The following RUNX1 variants were observed in gnomAD, a reference collection of about 807,000 sequenced individuals.
RUNX1 encodes runt-related transcription factor 1.
In RUNX1, 19 loss-of-function variants were observed where a neutral mutation model predicts 42.8. That is an observed-to-expected ratio of 0.44 (90% CI 0.31 to 0.65). The LOEUF is 0.65. Ranked by LOEUF, RUNX1 falls within the 30% of genes least tolerant of loss-of-function variation. The pLI is 0.07. For missense variants in RUNX1, 528 were observed against 672.0 expected (o/e 0.79, Z 2.37); for synonymous variants, 271 against 289.4 (o/e 0.94, Z 0.64).
At chr21:34,936,730 T>C (rs1601589445) in intron 2 of RUNX1, among the ~76,000 whole-genome samples, 1 of 152,324 alleles carries the variant, frequency 6.6e-6, no homozygotes, top group Non-Finnish European at 1.5e-5. Flanking sequence ...CTGCTTGCTG[T>C]AATTGCCGGC....
Position 34,791,326 on chromosome 21 carries a change from TA to T in RUNX1, c.*808del, listed in dbSNP as rs1208040532. The T allele has an allele frequency of 8.6e-6, 2 of 231,402 alleles. No individual in the cohort carries two copies. Among genetic ancestry groups the T allele is most frequent in the Middle Eastern group, 1.3e-3 (1 of 792 alleles). 14.3% of individuals were successfully genotyped at this position (231,402 alleles called of 1,614,324 possible). ...CTTAATATAAGTACATTTAAATAAT[TA>T]AAAAATTATCAACACATAAATGTCT... On this transcript the variant is annotated 3_prime_UTR_variant, in exon 9 of 9. Coordinates refer to ENST00000675419, the MANE Select transcript of RUNX1 (RefSeq NM_001754.5).
chr21:34,944,878 T>C (rs1282949136), intron 2 of RUNX1, among the ~76,000 whole-genome samples: 2 of 152,230 alleles, frequency 1.3e-5, no homozygotes, highest in Non-Finnish European at 2.9e-5. Flanking sequence ...TCTGAATGAA[T>C]TGCTTGTTTA....
intron 3 of RUNX1, chr21:34,888,069 G>C (rs936240545): frequency 9.4e-7 from 1 of 1,066,340 alleles, no homozygotes; most frequent in Non-Finnish European, 1.1e-6. Flanking sequence ...TGGGAGTTGA[G>C]CAGCCGCAGA....
intron 2 of RUNX1, among the ~76,000 whole-genome samples, chr21:34,974,226 G>A (rs1488216608): frequency 3.3e-5 from 5 of 152,044 alleles, no homozygotes; most frequent in Non-Finnish European, 5.9e-5. Flanking sequence ...CAACACCCAG[G>A]CCTTCTGAGA....
intron 2 of RUNX1, among the ~76,000 whole-genome samples, chr21:34,900,166 C>T (rs748414740): frequency 6.6e-6 from 1 of 152,156 alleles, no homozygotes; most frequent in Non-Finnish European, 1.5e-5. Flanking sequence ...GTCATTTGAA[C>T]ATGTAATCAA....
At chr21:35,045,104 T>C (rs994907164) in intron 2 of RUNX1, among the ~76,000 whole-genome samples, 2 of 152,210 alleles carry the variant, frequency 1.3e-5, no homozygotes, top group Admixed American at 1.3e-4. Flanking sequence ...CACTTAAACA[T>C]TTCAAAATTA....
chr21:35,000,893 T>C (rs1295021624), intron 2 of RUNX1, among the ~76,000 whole-genome samples: 1 of 152,214 alleles, frequency 6.6e-6, no homozygotes, highest in Non-Finnish European at 1.5e-5. Flanking sequence ...CTTCTTCTGG[T>C]GCCAGGCTGA....
intron 2 of RUNX1, among the ~76,000 whole-genome samples, chr21:34,926,926 A>G (rs1204475962): frequency 2.6e-5 from 4 of 152,238 alleles, no homozygotes; most frequent in African/African-American, 9.6e-5. Flanking sequence ...GTGTCTACAA[A>G]GGGTGGCTCA....
chr21:34,915,452 A>G (rs2058305403), intron 2 of RUNX1, among the ~76,000 whole-genome samples: 1 of 152,222 alleles, frequency 6.6e-6, no homozygotes, highest in African/African-American at 2.4e-5. Context: ...TTACATGACC[A>G]TTCATTCTTC....
rs776647946 is a variant in RUNX1, at chr21:34,789,300, A to C, written c.*2835T>G. 8.6e-6 allele frequency: 2 copies of C among 233,378 alleles called. No homozygotes were observed. The highest frequency in any genetic ancestry group is 1.7e-5 in the Non-Finnish European group (2 of 118,124). 14.5% of individuals were successfully genotyped at this position (233,378 alleles called of 1,614,324 possible). A position where few individuals can be genotyped will look rare whatever the true frequency, so the allele number is the denominator to read the frequency against. On this transcript the variant is annotated 3_prime_UTR_variant, in exon 9 of 9. Coordinates refer to ENST00000675419, the MANE Select transcript of RUNX1 (RefSeq NM_001754.5). Reference sequence around the variant, plus strand: ...GAGGAGGGAGAAAGTGGGGTTTGGAAGATAGAGGAAGAGAGAAAAAAAGGG... The same window carrying C: ...GAGGAGGGAGAAAGTGGGGTTTGGACGATAGAGGAAGAGAGAAAAAAAGGG...
At chr21:34,994,546 T>C (rs2146846993) in intron 2 of RUNX1, among the ~76,000 whole-genome samples, 1 of 152,242 alleles carries the variant, frequency 6.6e-6, no homozygotes, top group Non-Finnish European at 1.5e-5. Flanking sequence ...ATAGGTACAA[T>C]GTGTGCATAG....
At chr21:34,961,231 G>A (rs540523127) in intron 2 of RUNX1, among the ~76,000 whole-genome samples, 6 of 152,112 alleles carry the variant, frequency 3.9e-5, no homozygotes, top group East Asian at 1.9e-4. Context: ...AAAATTAGCC[G>A]GACGTGGTGG....
chr21:35,036,741 A>C (rs763968189), intron 2 of RUNX1, among the ~76,000 whole-genome samples: 1 of 152,214 alleles, frequency 6.6e-6, no homozygotes, highest in Non-Finnish European at 1.5e-5. Flanking sequence ...ACTGACACTT[A>C]GTGGTATGAG....
chr21:34,899,720 T>C (rs2058162573), intron 2 of RUNX1, among the ~76,000 whole-genome samples: 1 of 152,238 alleles, frequency 6.6e-6, no homozygotes. Flanking sequence ...GATTTAGTAA[T>C]CAGCTCACCC....
chr21:34,901,178 T>C lies in RUNX1; in HGVS notation c.59-8215A>G, dbSNP rs1197330383. Reference sequence around the variant, plus strand: ...CCTGTGTTGGTTCTTAAGGGGCTGCTGGGAACCCCTGAAGGTCCAAGTGTC... The same window carrying C: ...CCTGTGTTGGTTCTTAAGGGGCTGCCGGGAACCCCTGAAGGTCCAAGTGTC... On this transcript the variant is annotated intron_variant, in intron 2 of 8. Transcript: ENST00000675419. The surrounding 1 kb of genome is among the most constrained non-coding windows in gnomAD (Gnocchi z 4.3). Among the ~76,000 whole-genome samples the C allele has an allele frequency of 6.6e-6, 1 of 151,910 alleles. No individual in the cohort carries two copies. The highest frequency in any genetic ancestry group is 1.5e-5 in the Non-Finnish European group (1 of 67,998).
chr21:34,804,592 A>C (rs1037427832), intron 7 of RUNX1, among the ~76,000 whole-genome samples: 3 of 152,216 alleles, frequency 2.0e-5, no homozygotes, highest in Non-Finnish European at 2.9e-5. Flanking sequence ...CTGAAGAGAT[A>C]AAGCAAGCAT....
At chr21:35,005,367 GCAC>G (rs1392773276) in intron 2 of RUNX1, among the ~76,000 whole-genome samples, 4 of 152,038 alleles carry the variant, frequency 2.6e-5, no homozygotes, top group Non-Finnish European at 4.4e-5. Context: ...GTCCTCTAAA[GCAC>G]CACAATTAAA....
chr21:34,961,357 AAAT>A (rs149477951), intron 2 of RUNX1, among the ~76,000 whole-genome samples: 3,863 of 151,396 alleles, frequency 0.026, 128 homozygotes, highest in African/African-American at 0.081. Context: ...CTCTATCTCA[AAAT>A]AATAATAATA....
chr21:34,996,221 C>A (rs529133369), intron 2 of RUNX1, among the ~76,000 whole-genome samples: 5 of 152,084 alleles, frequency 3.3e-5, no homozygotes, highest in Non-Finnish European at 5.9e-5. Flanking sequence ...CTGCCTAAAC[C>A]AGGCTTGAGT....
Sources: allele counts gnomAD v4.1 joint callset (sites outside exome capture counted in the v4.1 genomes callset), GRCh38; gene constraint gnomAD v4.1.1; non-coding constraint Gnocchi (gnomAD v3.1); transcripts MANE v1.5; gene names NCBI Gene and HGNC (gene_info 2026-07-23, HGNC 2026-07-21).